PLEC: variants seen among roughly 807,000 people sequenced by gnomAD.
The protein encoded by PLEC is hemidesmosomal protein 1.
Under a neutral mutation model 392.8 loss-of-function variants are expected in PLEC, and 216 were observed. The observed-to-expected ratio is 0.55, with a 90% confidence interval of 0.49 to 0.62. The LOEUF (loss-of-function observed/expected upper bound fraction) is 0.62. PLEC is among the 20% of genes least tolerant of loss of function. The probability of loss-of-function intolerance (pLI) is 0.00; values close to 1 mark genes in which losing one functional copy is unlikely to be tolerated. For synonymous variants in PLEC, 3,621 were observed against 2,980.6 expected (o/e 1.21, Z -7.00); for missense variants, 6,863 against 6,563.4 (o/e 1.05, Z -1.58).
upstream of PLEC, chr8:143,943,956 A>G: frequency 6.4e-7 from 1 of 1,570,476 alleles, no homozygotes; most frequent in Non-Finnish European, 8.6e-7. Context: ...CAGGCTAGAC[A>G]GCCCCCTCCC....
At chr8:143,946,816 G>C (rs1459073431) in intron 1 of PLEC, among the ~76,000 whole-genome samples, 3 of 142,588 alleles carry the variant, frequency 2.1e-5, no homozygotes, top group African/African-American at 7.8e-5. Context: ...GGAGCCAGGC[G>C]GGAGCAGAGC....
chr8:143,924,158 T>C lies in PLEC; in HGVS notation c.5771A>G (p.Glu1924Gly). Residue 1924 changes from glutamate to glycine, a missense_variant, in exon 31 of 32, where the codon GAG becomes GGG. Physicochemically the swap from Glu to Gly is moderately conservative, Grantham distance 98. Transcript: ENST00000345136. ...EDTLRQRRQVEEEILALKASF... is the reference protein window; with the variant it reads ...EDTLRQRRQVGEEILALKASF... ...CGCCTTCAGCGCCAGGATCTCCTCC[T>C]CCACCTGCCGCCGCTGCCTCAGCGT... 6.3e-7 allele frequency: 1 copy of C among 1,598,938 alleles called. No homozygotes were observed. The highest frequency in any genetic ancestry group is 8.5e-7 in the Non-Finnish European group (1 of 1,179,506).
upstream of PLEC, among the ~76,000 whole-genome samples, chr8:143,954,324 T>C (rs1241229694): frequency 1.6e-5 from 2 of 125,782 alleles, no homozygotes; most frequent in Non-Finnish European, 3.3e-5. The surrounding 1 kb of genome is among the most constrained non-coding windows in gnomAD (Gnocchi z 4.6). Flanking sequence ...GCCCCAGCAG[T>C]GTGCCCCTTC....
In PLEC at chr8:143,932,241, C is replaced by G; in HGVS notation, c.1978-7G>C. 1 of 1,612,072 alleles carries G rather than the reference C, an allele frequency of 6.2e-7. No homozygotes were observed. The highest frequency in any genetic ancestry group is 2.2e-5 in the East Asian group (1 of 44,872). ...CCAGCTCCCGCATCAGCGCCTGGCA[C>G]CAGAGCAAAGGGTCTCAGGGACGGC... On this transcript the variant is annotated splice_polypyrimidine_tract_variant and splice_region_variant and intron_variant, in intron 16 of 31. Transcript: ENST00000345136.
At position 143,921,183 on chromosome 8, in the gene PLEC, A is replaced by G. The variant is rs1554684312; in HGVS notation, c.8638T>C (p.Cys2880Arg). ...RCVEDPETGL[C>R]LLPLTDKAAK... ...GCCTTATCCGTGAGTGGCAGAAGGC[A>G]CAGGCCCGTCTCGGGGTCCTCCACG... The change falls in exon 32 of 32, where the codon TGC (cysteine) becomes CGC (arginine). Residue 2880 changes from cysteine (C) to arginine (R), a missense_variant. Physicochemically the swap from Cys to Arg is radical, Grantham distance 180. Coordinates refer to ENST00000345136, the MANE Select transcript of PLEC (RefSeq NM_201384.3). 3 of 1,613,678 alleles carry G rather than the reference A, an allele frequency of 1.9e-6. No individual in the cohort carries two copies. The African/African-American group carries it at 4.0e-5, about 22-fold the overall frequency.
At chr8:143,951,491 C>T (rs538801609), upstream of PLEC, among the ~76,000 whole-genome samples, 2 of 152,230 alleles carry the variant, frequency 1.3e-5, no homozygotes, top group South Asian at 4.1e-4. Flanking sequence ...CCCACCTCCA[C>T]ACACCAGGCT....
intron 19 of PLEC, 22 bp from the exon 20 acceptor site, chr8:143,930,558 C>A: frequency 6.4e-7 from 1 of 1,570,030 alleles, no homozygotes; most frequent in Non-Finnish European, 8.6e-7. Flanking sequence ...GGGCAGCATC[C>A]AGACGAGGGC....
Position 143,935,343 on chromosome 8 carries a change from G to A in PLEC, c.603-30C>T, listed in dbSNP as rs782296888. 4.7e-5 allele frequency: 71 copies of A among 1,518,454 alleles called. 3 individuals are homozygous for A. The South Asian group carries it at 7.4e-4, about 16-fold the overall frequency. The allele number at this position is 1,518,454 out of a possible 1,614,324, so 94.1% of individuals were successfully genotyped here. A position where few individuals can be genotyped will look rare whatever the true frequency, so the allele number is the denominator to read the frequency against. On this transcript the variant is annotated intron_variant, in intron 6 of 31. Coordinates refer to ENST00000345136, the MANE Select transcript of PLEC (RefSeq NM_201384.3). ...GACAAGCAGGTGGCTGGTCAGGTGG[G>A]TGGGACAAGACCAGCGGCCACACCA...
At position 143,922,082 on chromosome 8, in the gene PLEC, C is replaced by T. The variant is rs782751670; in HGVS notation, c.7739G>A (p.Arg2580Gln). ...QEELQQLEQQ[R>Q]RQQEELLAEE... ...AGCCAGCAGCTCCTCCTGCTGCCGC[C>T]GCTGCTGCTCCAGCTGCTGCAGCTC... Residue 2580 changes from arginine (R) to glutamine (Q), a missense_variant, in exon 32 of 32, where the codon CGG becomes CAG. Transcript: ENST00000345136. The T allele has an allele frequency of 2.9e-5, 46 of 1,574,336 alleles. No individual in the cohort carries two copies. Among genetic ancestry groups the T allele is most frequent in the East Asian group, 1.8e-4 (8 of 43,852 alleles).
exon 1 of PLEC, chr8:143,950,493 A>C: frequency 6.2e-7 from 1 of 1,608,622 alleles, no homozygotes; most frequent in Non-Finnish European, 8.5e-7. Flanking sequence ...GTGAGGTACC[A>C]GTAAAAGTGG....
rs782326147 is a variant in PLEC, at chr8:143,930,076, G to T, written c.2613-14C>A. 1 of 1,608,208 alleles carries T rather than the reference G, an allele frequency of 6.2e-7. No individual in the cohort carries two copies. Among genetic ancestry groups the T allele is most frequent in the East Asian group, 2.2e-5 (1 of 44,858 alleles). On this transcript the variant is annotated splice_polypyrimidine_tract_variant and intron_variant, in intron 21 of 31. Transcript: ENST00000345136. ...TGGGCCTCCAGCCTGGCAGGTCAGG[G>T]CTACAGTCAGCGTCACCAGCGCCCC...
At chr8:143,957,092 C>T (rs1327301897), upstream of PLEC, among the ~76,000 whole-genome samples, 1 of 152,122 alleles carries the variant, frequency 6.6e-6, no homozygotes, top group Non-Finnish European at 1.5e-5. Flanking sequence ...GACGGGGCTA[C>T]AGCCGGGGAT....
chr8:143,929,219 C>G lies in PLEC; in HGVS notation c.3144G>C (p.Glu1048Asp). 1 of 1,602,512 alleles carries G rather than the reference C, an allele frequency of 6.2e-7. No individual in the cohort carries two copies. The highest frequency in any genetic ancestry group is 8.5e-7 in the Non-Finnish European group (1 of 1,178,526). ...KGVARLSAEA[E>D]KVLALPEPSP... ...ATGGCTCTGGTAGGGCCAAGACCTT[C>G]TCGGCCTCGGCAGAGAGCCGGGCGA... Residue 1048 changes from glutamate to aspartate, a missense_variant, in exon 25 of 32, where the codon GAG becomes GAC. By Grantham distance (45) the Glu-to-Asp change is conservative (BLOSUM62 2). Transcript: ENST00000345136.
At position 143,931,934 on chromosome 8, in the gene PLEC, C is replaced by A; in HGVS notation, c.2178+3G>T. ...ACAGTGCGGAGGGGGCTCCGGTTCTCACCTGAAAGTAGGCAGCGTTCTCCT... is the reference window on the plus strand; with the variant it reads ...ACAGTGCGGAGGGGGCTCCGGTTCTAACCTGAAAGTAGGCAGCGTTCTCCT... On this transcript the variant is annotated splice_donor_region_variant and intron_variant, in intron 18 of 31. Transcript: ENST00000345136. 1 of 1,603,990 alleles carries A rather than the reference C, an allele frequency of 6.2e-7. No individual in the cohort carries two copies. The highest frequency in any genetic ancestry group is 1.1e-5 in the South Asian group (1 of 89,600).
At chr8:143,938,540 A>G (rs1829694005) in intron 2 of PLEC, 91 bp downstream of exon 2, 20 of 1,542,706 alleles carry the variant, frequency 1.3e-5, no homozygotes, top group Non-Finnish European at 1.6e-5. Context: ...CACAGGCAGC[A>G]TGGGGACAGC....
Position 143,969,311 on chromosome 8 carries a change from C to A in PLEC, c.70+4092G>T, listed in dbSNP as rs546933664. Among the ~76,000 whole-genome samples, 2 of 152,346 alleles carry A rather than the reference C, an allele frequency of 1.3e-5. No homozygotes were observed. The highest frequency in any genetic ancestry group is 2.1e-4 in the South Asian group (1 of 4,832). ...TGTCTGCCTGAGCCCCTCAGCCCCCCCATTCTCCCTGTCCCCCATCCAGGG... is the reference window on the plus strand; with the variant it reads ...TGTCTGCCTGAGCCCCTCAGCCCCCACATTCTCCCTGTCCCCCATCCAGGG... On this transcript the variant is annotated intron_variant, in intron 1 of 31. Transcript: ENST00000356346. The surrounding 1 kb of genome is among the most constrained non-coding windows in gnomAD (Gnocchi z 5.1).
At position 143,929,190 on chromosome 8, in the gene PLEC, G is replaced by A. The variant is rs377696387; in HGVS notation, c.3173C>T (p.Pro1058Leu). 8.1e-6 allele frequency: 13 copies of A among 1,600,768 alleles called. No homozygotes were observed. The highest frequency in any genetic ancestry group is 7.6e-6 in the Non-Finnish European group (9 of 1,176,586). The change falls in exon 25 of 32, where the codon CCT becomes CTT. Residue 1058 changes from proline (P) to leucine (L), a missense_variant. By Grantham distance (98) the Pro-to-Leu change is moderately conservative (BLOSUM62 -3). Coordinates refer to ENST00000345136, the MANE Select transcript of PLEC (RefSeq NM_201384.3). ...CTCCGAGCGCAGCGTGGGGGCCGCA[G>A]GCGATGGCTCTGGTAGGGCCAAGAC... ...EKVLALPEPS[P>L]AAPTLRSELE...
At chr8:143,973,548 G>T (rs1339125839), upstream of PLEC, 10 of 1,119,240 alleles carry the variant, frequency 8.9e-6, no homozygotes, top group South Asian at 3.8e-4. The surrounding 1 kb of genome is among the most constrained non-coding windows in gnomAD (Gnocchi z 5.6). Flanking sequence ...GGCCGCGCGC[G>T]CCGCTTAAAG....
upstream of PLEC, chr8:143,953,624 A>C: frequency 2.4e-6 from 3 of 1,248,808 alleles, no homozygotes; most frequent in Non-Finnish European, 3.4e-6. Flanking sequence ...GTGTCACCCC[A>C]GGGATGGCAG....
Sources: allele counts gnomAD v4.1 joint callset (sites outside exome capture counted in the v4.1 genomes callset), GRCh38; gene constraint gnomAD v4.1.1; non-coding constraint Gnocchi (gnomAD v3.1); transcripts MANE v1.5; gene names NCBI Gene and HGNC (gene_info 2026-07-23, HGNC 2026-07-21).